Variants in KISS1R observed in about 807,000 individuals in gnomAD.
The protein encoded by KISS1R is KISS1 receptor.
Under a neutral mutation model 22.0 loss-of-function variants are expected in KISS1R, and 19 were observed. That is an observed-to-expected ratio of 0.86 (90% CI 0.60 to 1.26). The LOEUF (loss-of-function observed/expected upper bound fraction) is 1.26, where lower values mean the gene tolerates loss of function less well. Among genes scored for constraint, KISS1R ranks in the 50% most tolerant of loss-of-function variants. The pLI is 0.00. For synonymous variants in KISS1R, 302 were observed against 283.9 expected, an observed-to-expected ratio of 1.06 and a Z score of -0.64; for missense variants, 653 against 581.9, an observed-to-expected ratio of 1.12 and a Z score of -1.26.
At position 917,420 on chromosome 19, in the gene KISS1R, C is replaced by T. The variant is rs2037064437; in HGVS notation, c.-83C>T. ...TCCTGAGTTCCACAGGCGCAGCCCC[C>T]GGGCGGTCGGGCGGAGGGGTCCCCG... On this transcript the variant is annotated 5_prime_UTR_variant, in exon 1 of 5. Coordinates refer to ENST00000234371, the MANE Select transcript of KISS1R (RefSeq NM_032551.5). The T allele has an allele frequency of 1.5e-6, 2 of 1,357,408 alleles. No homozygotes were observed. Among genetic ancestry groups the T allele is most frequent in the African/African-American group, 3.1e-5 (2 of 64,786 alleles). 84.1% of individuals were successfully genotyped at this position (1,357,408 alleles called of 1,614,324 possible).
Position 917,432 on chromosome 19 carries a change from C to G in KISS1R, c.-71C>G, listed in dbSNP as rs1010447853. 5 of 1,373,118 alleles carry G rather than the reference C, an allele frequency of 3.6e-6. No homozygotes were observed. In the South Asian group the frequency reaches 6.8e-5, roughly 19 times the overall value. The allele number at this position is 1,373,118 out of a possible 1,614,324, so 85.1% of individuals were successfully genotyped here. ...CAGGCGCAGCCCCCGGGCGGTCGGG[C>G]GGAGGGGTCCCCGGGGCGGTGCCAG... On this transcript the variant is annotated 5_prime_UTR_variant, in exon 1 of 5. Coordinates refer to ENST00000234371, the MANE Select transcript of KISS1R (RefSeq NM_032551.5).
At position 920,569 on chromosome 19, in the gene KISS1R, T is replaced by C; in HGVS notation, c.1018T>C (p.Cys340Arg). Residue 340 changes from cysteine (C) to arginine (R), a missense_variant, in exon 5 of 5, where the codon TGC (cysteine) becomes CGC (arginine). Cys to Arg is a radical substitution (Grantham distance 180). Coordinates refer to ENST00000234371, the MANE Select transcript of KISS1R (RefSeq NM_032551.5). ...FRQAFRRVCP[C>R]APRRPRRPRR... ...ACAGGCCTTCCGCCGCGTCTGCCCC[T>C]GCGCGCCGCGCCGCCCCCGCCGCCC... 4.5e-6 allele frequency: 7 copies of C among 1,539,948 alleles called. No homozygotes were observed. The highest frequency in any genetic ancestry group is 2.6e-5 in the East Asian group (1 of 38,652).
In KISS1R at chr19:920,571, C is replaced by G; in HGVS notation, c.1020C>G (p.Cys340Trp). ...AGGCCTTCCGCCGCGTCTGCCCCTG[C>G]GCGCCGCGCCGCCCCCGCCGCCCCC... ...FRQAFRRVCP[C>W]APRRPRRPRR... Residue 340 changes from cysteine to tryptophan, a missense_variant, in exon 5 of 5, where the codon TGC (cysteine) becomes TGG (tryptophan). Coordinates refer to ENST00000234371, the MANE Select transcript of KISS1R (RefSeq NM_032551.5). The G allele has an allele frequency of 6.6e-7, 1 of 1,526,226 alleles. No individual in the cohort carries two copies. The highest frequency in any genetic ancestry group is 8.8e-7 in the Non-Finnish European group (1 of 1,142,818). 94.5% of individuals were successfully genotyped at this position (1,526,226 alleles called of 1,614,324 possible).
chr19:920,531 G>A lies in KISS1R; in HGVS notation c.980G>A (p.Gly327Asp), dbSNP rs1343499661. 2 of 1,598,102 alleles carry A rather than the reference G, an allele frequency of 1.3e-6. No homozygotes were observed. The highest frequency in any genetic ancestry group is 2.3e-5 in the East Asian group (1 of 43,064). ...ALNPLLYAFLGSHFRQAFRRV... is the reference protein window; with the variant it reads ...ALNPLLYAFLDSHFRQAFRRV... ...AACCCGCTGCTCTACGCCTTCCTGG[G>A]CTCGCACTTCCGACAGGCCTTCCGC... The change falls in exon 5 of 5, where the codon GGC becomes GAC. Residue 327 changes from glycine (G) to aspartate (D), a missense_variant. Physicochemically the swap from Gly to Asp is moderately conservative, Grantham distance 94. Transcript: ENST00000234371.
chr19:919,738 T>C (rs902837374), intron 3 of KISS1R, 113 bp downstream of exon 3: 2 of 1,510,288 alleles, frequency 1.3e-6, no homozygotes, highest in Non-Finnish European at 1.8e-6. Context: ...GCAATAGCTC[T>C]GCCTGCCTAG....
chr19:917,345 G>A lies in KISS1R; in HGVS notation c.-158G>A, dbSNP rs920438991. 1 of 836,764 alleles carries A rather than the reference G, an allele frequency of 1.2e-6. No homozygotes were observed. Among genetic ancestry groups the A allele is most frequent in the Non-Finnish European group, 1.6e-6 (1 of 606,906 alleles). 51.8% of individuals were successfully genotyped at this position (836,764 alleles called of 1,614,324 possible). ...CAGCGGCGCCGGCAGAGGAGCCGCC[G>A]AGCCCAGCACAGCTGCCCTCTGGAC... is the stretch of plus-strand genomic sequence containing the variant. On this transcript the variant is annotated 5_prime_UTR_variant, in exon 1 of 5. Transcript: ENST00000234371.
intron 1 of KISS1R, among the ~76,000 whole-genome samples, 154 bp from the exon 2 acceptor site, chr19:918,390 G>C (rs991874388): frequency 1.6e-5 from 2 of 127,334 alleles, no homozygotes; most frequent in African/African-American, 6.6e-5. Flanking sequence ...CTCCGCCCGA[G>C]GAGGCCAGGG....
rs761062183 is a variant in KISS1R at position 920,284 on chromosome 19, C to A, written c.739-6C>A. On this transcript the variant is annotated splice_polypyrimidine_tract_variant and splice_region_variant and intron_variant, in intron 4 of 4. Transcript: ENST00000234371. ...TCGTCTAACCACCTTCACGGCACCCCCCCAGGGGCAGGTGCTGGCAGAGCG... is the reference window on the plus strand; with the variant it reads ...TCGTCTAACCACCTTCACGGCACCCACCCAGGGGCAGGTGCTGGCAGAGCG... 15 of 1,568,796 alleles carry A rather than the reference C, an allele frequency of 9.6e-6. No individual in the cohort carries two copies. The East Asian group carries it at 2.6e-4, about 27-fold the overall frequency.
rs142726197 is a variant in KISS1R, at chr19:919,725, G to A, written c.505+100G>A. 3.1e-4 allele frequency: 469 copies of A among 1,518,802 alleles called. No individual in the cohort carries two copies. The African/African-American group carries it at 5.4e-3, about 18-fold the overall frequency. 94.1% of individuals were successfully genotyped at this position (1,518,802 alleles called of 1,614,324 possible). Reference sequence around the variant, plus strand: ...GCCTCGGTCCAGCATCTGGAAAATGGGCGCAATAGCTCTGCCTGCCTAGGG... The same window carrying A: ...GCCTCGGTCCAGCATCTGGAAAATGAGCGCAATAGCTCTGCCTGCCTAGGG... On this transcript the variant is annotated intron_variant, in intron 3 of 4. Coordinates refer to ENST00000234371, the MANE Select transcript of KISS1R (RefSeq NM_032551.5).
rs768520956 is a variant in KISS1R, at chr19:919,496, G to A, written c.376G>A (p.Val126Met). 1.3e-6 allele frequency: 2 copies of A among 1,551,656 alleles called. No homozygotes were observed. Among genetic ancestry groups the A allele is most frequent in the South Asian group, 1.2e-5 (1 of 85,166 alleles). ...CGGCTGGCGGCTCCCGCAGGTCTCG[G>A]TGCAGGCCACGTGTGCCACTCTGAC... is the stretch of plus-strand genomic sequence containing the variant. The part of the protein sequence containing the change: ...KFVNYIQQVS[V>M]QATCATLTAM... The change falls in exon 3 of 5, where the codon GTG (valine) becomes ATG (methionine). Residue 126 changes from valine (V) to methionine (M), a missense_variant. Transcript: ENST00000234371.
chr19:917,938 G>T (rs1301199999), intron 1 of KISS1R, among the ~76,000 whole-genome samples, 192 bp downstream of exon 1: 1 of 152,150 alleles, frequency 6.6e-6, no homozygotes, highest in Non-Finnish European at 1.5e-5. Context: ...ACTCCAGCGC[G>T]GGCGGGCCCG....
chr19:917,540 G>T lies in KISS1R; in HGVS notation c.38G>T (p.Trp13Leu), dbSNP rs1285905457. 2.0e-6 allele frequency: 3 copies of T among 1,517,256 alleles called. No homozygotes were observed. Among genetic ancestry groups the T allele is most frequent in the Non-Finnish European group, 2.6e-6 (3 of 1,137,544 alleles). 94.0% of individuals were successfully genotyped at this position (1,517,256 alleles called of 1,614,324 possible). ...TVATSGPNAS[W>L]GAPANASGCP... The stretch of plus-strand genomic sequence containing the variant: ...GCTACGTCCGGACCCAACGCGTCCT[G>T]GGGGGCACCGGCCAACGCCTCCGGC... The change falls in exon 1 of 5, where the codon TGG becomes TTG. Residue 13 changes from tryptophan to leucine, a missense_variant. Trp to Leu is a moderately conservative substitution (Grantham distance 61). Transcript: ENST00000234371.
chr19:920,285 C>G lies in KISS1R; in HGVS notation c.739-5C>G, dbSNP rs766713338. ...CGTCTAACCACCTTCACGGCACCCC[C>G]CCAGGGGCAGGTGCTGGCAGAGCGC... On this transcript the variant is annotated splice_polypyrimidine_tract_variant and splice_region_variant and intron_variant, in intron 4 of 4. Coordinates refer to ENST00000234371, the MANE Select transcript of KISS1R (RefSeq NM_032551.5). The G allele has an allele frequency of 8.3e-6, 13 of 1,569,360 alleles. No homozygotes were observed. Among genetic ancestry groups the G allele is most frequent in the Admixed American group, 5.3e-5 (3 of 56,650 alleles).
rs762640475 is a variant in KISS1R at position 920,740 on chromosome 19, C to T, written c.1189C>T (p.Pro397Ser). ...GLCVLGEDNAPL is the reference protein window; with the variant it reads ...GLCVLGEDNASL ...GTGCGTCCTGGGGGAGGACAACGCC[C>T]CTCTCTGAGCGGACCCGGTGGGAAT... The change falls in exon 5 of 5, where the codon CCT (proline) becomes TCT (serine). Residue 397 changes from proline to serine, a missense_variant. Physicochemically the swap from Pro to Ser is moderately conservative, Grantham distance 74. Coordinates refer to ENST00000234371, the MANE Select transcript of KISS1R (RefSeq NM_032551.5). 2 of 1,286,152 alleles carry T rather than the reference C, an allele frequency of 1.6e-6. No individual in the cohort carries two copies. Among genetic ancestry groups the T allele is most frequent in the African/African-American group, 1.5e-5 (1 of 65,960 alleles). 79.7% of individuals were successfully genotyped at this position (1,286,152 alleles called of 1,614,324 possible). A position where few individuals can be genotyped will look rare whatever the true frequency, so the allele number is the denominator to read the frequency against.
intron 3 of KISS1R, 91 bp from the exon 4 acceptor site, chr19:919,783 T>C: frequency 6.7e-7 from 1 of 1,493,532 alleles, no homozygotes; most frequent in Non-Finnish European, 9.0e-7. Context: ...GCCCGGGCCT[T>C]TGCAGGGTGG....
chr19:917,348 C>A lies in KISS1R; in HGVS notation c.-155C>A. The A allele has an allele frequency of 2.3e-6, 2 of 864,172 alleles. No homozygotes were observed. Among genetic ancestry groups the A allele is most frequent in the Non-Finnish European group, 3.2e-6 (2 of 627,534 alleles). 53.5% of individuals were successfully genotyped at this position (864,172 alleles called of 1,614,324 possible). ...CGGCGCCGGCAGAGGAGCCGCCGAG[C>A]CCAGCACAGCTGCCCTCTGGACCCT... On this transcript the variant is annotated 5_prime_UTR_variant, in exon 1 of 5. Coordinates refer to ENST00000234371, the MANE Select transcript of KISS1R (RefSeq NM_032551.5).
chr19:918,646 A>C lies in KISS1R; in HGVS notation c.347A>C (p.Lys116Thr), dbSNP rs758697430. Residue 116 changes from lysine to threonine, a missense_variant, in exon 2 of 5, where the codon AAG becomes ACG. By Grantham distance (78) the Lys-to-Thr change is moderately conservative. Transcript: ENST00000234371. ...PGWVLGDFMCKFVNYIQQVSV... is the reference protein window; with the variant it reads ...PGWVLGDFMCTFVNYIQQVSV... ...TGGGTGCTGGGCGACTTCATGTGCAAGTTCGTCAACTACATCCAGCAGGTG... is the reference window on the plus strand; with the variant it reads ...TGGGTGCTGGGCGACTTCATGTGCACGTTCGTCAACTACATCCAGCAGGTG... The C allele has an allele frequency of 3.1e-5, 48 of 1,550,508 alleles. No homozygotes were observed. Among genetic ancestry groups the C allele is most frequent in the Non-Finnish European group, 4.1e-5 (47 of 1,146,646 alleles).
chr19:920,322 G>A lies in KISS1R; in HGVS notation c.771G>A (p.Val257=). The stretch of plus-strand genomic sequence containing the variant: ...TGCTGGCAGAGCGCGCAGGCGCCGT[G>A]CGGGCCAAGGTCTCGCGGCTGGTGG... The part of the protein sequence containing the change: ...GQVLAERAGA[V]RAKVSRLVAA... Residue 257 remains valine (V), a synonymous_variant, in exon 5 of 5, where the codon GTG becomes GTA. Transcript: ENST00000234371. 5.1e-6 allele frequency: 8 copies of A among 1,566,848 alleles called. No individual in the cohort carries two copies. The highest frequency in any genetic ancestry group is 5.2e-6 in the Non-Finnish European group (6 of 1,164,588).
intron 2 of KISS1R, among the ~76,000 whole-genome samples, chr19:919,252 T>A (rs777024833): frequency 4.6e-5 from 7 of 151,826 alleles, no homozygotes; most frequent in Non-Finnish European, 8.8e-5. Context: ...AGCCCCCCTG[T>A]CTCAGACTCG....
Sources: allele counts gnomAD v4.1 joint callset (sites outside exome capture counted in the v4.1 genomes callset), GRCh38; gene constraint gnomAD v4.1.1; transcripts MANE v1.5; gene names NCBI Gene and HGNC (gene_info 2026-07-23, HGNC 2026-07-21).